Variants in ATP10D observed in about 807,000 individuals in gnomAD.
The protein encoded by ATP10D is phospholipid-transporting ATPase VD.
Under a neutral mutation model 144.8 loss-of-function variants are expected in ATP10D, and 89 were observed. That is an observed-to-expected ratio of 0.61 (90% CI 0.52 to 0.73). ATP10D has a LOEUF of 0.73. Ranked by LOEUF, ATP10D falls within the 30% of genes least tolerant of loss-of-function variation. The pLI is 0.00. For synonymous variants in ATP10D, 571 were observed against 615.1 expected (o/e 0.93, Z 1.06); for missense variants, 1,603 against 1,714.8 (o/e 0.93, Z 1.15).
At chr4:47,551,853 G>A (rs753428065) in intron 10 of ATP10D, among the ~76,000 whole-genome samples, 1 of 152,166 alleles carries the variant, frequency 6.6e-6, no homozygotes, top group Admixed American at 6.5e-5. Flanking sequence ...AACAGCTATG[G>A]ATACAGTCAT....
chr4:47,587,373 A>G (rs1316783), intron 22 of ATP10D, among the ~76,000 whole-genome samples, 167 bp downstream of exon 22: 23,914 of 152,136 alleles, frequency 0.16, 3,268 homozygotes, highest in African/African-American at 0.37. Flanking sequence ...ATCAGAGAAC[A>G]AAAGTGGCTT....
chr4:47,555,062 C>T lies in ATP10D; in HGVS notation c.1824+148C>T, dbSNP rs529710483. On this transcript the variant is annotated intron_variant, in intron 11 of 22. Coordinates refer to ENST00000273859, the MANE Select transcript of ATP10D (RefSeq NM_020453.4). Reference sequence around the variant, plus strand: ...GATTCAGCATTTGTTCTGTGCTCTGCACTTACCATGGTCTATGTCATGGGT... The same window carrying T: ...GATTCAGCATTTGTTCTGTGCTCTGTACTTACCATGGTCTATGTCATGGGT... 209 of 767,102 alleles carry T rather than the reference C, an allele frequency of 2.7e-4. 3 individuals carry two copies. In the South Asian group the frequency reaches 4.0e-3, roughly 15 times the overall value. 47.5% of individuals were successfully genotyped at this position (767,102 alleles called of 1,614,324 possible).
intron 1 of ATP10D, among the ~76,000 whole-genome samples, chr4:47,489,764 A>G (rs553691895): frequency 6.6e-6 from 1 of 152,236 alleles, no homozygotes; most frequent in East Asian, 1.9e-4. Context: ...GCTCACATTC[A>G]CTGTTTCGCC....
At chr4:47,505,769 A>G (rs1331256812) in intron 1 of ATP10D, among the ~76,000 whole-genome samples, 1 of 152,022 alleles carries the variant, frequency 6.6e-6, no homozygotes, top group Non-Finnish European at 1.5e-5. Context: ...AAAAGAAAAA[A>G]AAAAGAAACC....
intron 3 of ATP10D, 87 bp downstream of exon 3, chr4:47,515,757 C>A: frequency 9.2e-7 from 1 of 1,084,166 alleles, no homozygotes; most frequent in Non-Finnish European, 1.3e-6. Flanking sequence ...TAGGTGTGAC[C>A]AGGACCCTTT....
chr4:47,502,334 G>A (rs181273067), intron 1 of ATP10D, among the ~76,000 whole-genome samples: 41 of 152,202 alleles, frequency 2.7e-4, no homozygotes, highest in Admixed American at 1.8e-3. Flanking sequence ...AGCTGGGCGT[G>A]GTGGCGGGCG....
chr4:47,550,925 T>C (rs1036925239), intron 10 of ATP10D, among the ~76,000 whole-genome samples: 5 of 152,210 alleles, frequency 3.3e-5, no homozygotes, highest in Middle Eastern at 3.4e-3. Context: ...AAGAGTGCAG[T>C]TGCAAGATTT....
intron 21 of ATP10D, among the ~76,000 whole-genome samples, chr4:47,583,491 T>C (rs1371906956): frequency 1.3e-5 from 2 of 152,260 alleles, no homozygotes; most frequent in East Asian, 3.8e-4. Flanking sequence ...TACAATCATC[T>C]ATAACAAAAT....
chr4:47,563,518 C>G, intron 14 of ATP10D, 63 bp from the exon 15 acceptor site: 1 of 1,422,252 alleles, frequency 7.0e-7, no homozygotes, highest in South Asian at 1.3e-5. Context: ...CAACTGTAGA[C>G]TAGCTGAGCT....
At chr4:47,499,115 A>T (rs1038342046) in intron 1 of ATP10D, among the ~76,000 whole-genome samples, 2 of 152,222 alleles carry the variant, frequency 1.3e-5, no homozygotes, top group African/African-American at 4.8e-5. Flanking sequence ...GCTTGGCCAC[A>T]TACATATCAA....
At chr4:47,499,178 T>C (rs1297397898) in intron 1 of ATP10D, among the ~76,000 whole-genome samples, 3 of 152,180 alleles carry the variant, frequency 2.0e-5, no homozygotes, top group Non-Finnish European at 2.9e-5. Flanking sequence ...TGAGGGAATC[T>C]CATGAGGTTC....
intron 1 of ATP10D, among the ~76,000 whole-genome samples, chr4:47,492,973 TA>T (rs1715158305): frequency 6.6e-6 from 1 of 152,216 alleles, no homozygotes. Context: ...TGATGTAGTC[TA>T]TTGATATAAT....
intron 10 of ATP10D, among the ~76,000 whole-genome samples, chr4:47,553,087 T>C (rs1718803933): frequency 6.6e-6 from 1 of 152,210 alleles, no homozygotes; most frequent in South Asian, 2.1e-4. Context: ...AGCATAATCA[T>C]AGGCCTTGGT....
At chr4:47,489,445 G>C (rs1714961458) in intron 1 of ATP10D, among the ~76,000 whole-genome samples, 2 of 152,028 alleles carry the variant, frequency 1.3e-5, no homozygotes, top group Admixed American at 6.6e-5. Context: ...ATAAACCAAA[G>C]ATTAATAGTA....
In ATP10D at chr4:47,522,992, T is replaced by TA. The variant is rs111896063; in HGVS notation, c.486-18dup. On this transcript the variant is annotated intron_variant, in intron 3 of 22. Transcript: ENST00000273859. ...TTCACTTGATATTCTTTTTTTTTTT[T>TA]AACTTTTTTTTAATTACAGGAAAGA... 5.3e-3 allele frequency: 7,656 copies of TA among 1,445,296 alleles called. 1 individual carries two copies. Among genetic ancestry groups the TA allele is most frequent in the Non-Finnish European group, 5.9e-3 (6,294 of 1,061,602 alleles). The allele number at this position is 1,445,296 out of a possible 1,614,324, so 89.5% of individuals were successfully genotyped here. A position where few individuals can be genotyped will look rare whatever the true frequency, so the allele number is the denominator to read the frequency against.
Position 47,580,451 on chromosome 4 carries a change from C to A in ATP10D, c.3621C>A (p.Ser1207Arg), listed in dbSNP as rs748472082. Residue 1207 changes from serine to arginine, a missense_variant, in exon 20 of 23, where the codon AGC becomes AGA. Physicochemically the swap from Ser to Arg is moderately radical, Grantham distance 110 (BLOSUM62 -1). Coordinates refer to ENST00000273859, the MANE Select transcript of ATP10D (RefSeq NM_020453.4). ...WITLLDAFYQ[S>R]LVCFFVPYFT... ...CCTTATTGGATGCTTTTTATCAAAGCCTGGTCTGCTTCTTTGTGCCTTATT... is the reference window on the plus strand; with the variant it reads ...CCTTATTGGATGCTTTTTATCAAAGACTGGTCTGCTTCTTTGTGCCTTATT... 9 of 1,613,530 alleles carry A rather than the reference C, an allele frequency of 5.6e-6. 1 individual carries two copies. The highest frequency in any genetic ancestry group is 1.3e-5 in the African/African-American group (1 of 74,896).
chr4:47,493,960 T>C (rs1307256905), intron 1 of ATP10D, among the ~76,000 whole-genome samples: 1 of 152,076 alleles, frequency 6.6e-6, no homozygotes, highest in African/African-American at 2.4e-5. Context: ...ACTTAAAAGG[T>C]CTCTGGGAAA....
chr4:47,531,253 A>G (rs1450523684), intron 5 of ATP10D, among the ~76,000 whole-genome samples: 1 of 152,216 alleles, frequency 6.6e-6, no homozygotes, highest in Non-Finnish European at 1.5e-5. Flanking sequence ...CTGATAGGGT[A>G]GGGACAGGGA....
intron 1 of ATP10D, among the ~76,000 whole-genome samples, chr4:47,493,278 A>C (rs1715180164): frequency 6.6e-6 from 1 of 152,210 alleles, no homozygotes; most frequent in African/African-American, 2.4e-5. Flanking sequence ...CTTCATGGGG[A>C]AAATACACAA....
Sources: allele counts gnomAD v4.1 joint callset (sites outside exome capture counted in the v4.1 genomes callset), GRCh38; gene constraint gnomAD v4.1.1; transcripts MANE v1.5; gene names NCBI Gene and HGNC (gene_info 2026-07-23, HGNC 2026-07-21).